UNC80: variants seen among roughly 807,000 people sequenced by gnomAD.
UNC80 encodes protein unc-80 homolog.
A neutral mutation model predicts 384.6 loss-of-function variants in UNC80; 164 were observed. The ratio of observed to expected loss-of-function variants is 0.43; its 90% CI spans 0.38 to 0.49. The LOEUF is 0.49. UNC80 is among the 20% of genes least tolerant of loss of function. UNC80 has a pLI of 0.00. For missense variants in UNC80, 3,330 were observed against 4,143.0 expected (o/e 0.80, Z 5.39); for synonymous variants, 1,486 against 1,527.8 (o/e 0.97, Z 0.64).
chr2:209,787,023 A>G (rs1475052890), intron 5 of UNC80, among the ~76,000 whole-genome samples: 2 of 145,308 alleles, frequency 1.4e-5, no homozygotes, highest in African/African-American at 5.0e-5. Context: ...ATATATACCT[A>G]TATATTTTTA....
intron 4 of UNC80, among the ~76,000 whole-genome samples, chr2:209,779,346 A>G (rs556656021): frequency 6.6e-6 from 1 of 152,168 alleles, no homozygotes; most frequent in South Asian, 2.1e-4. Context: ...TTCAACTTGA[A>G]ACACTGACCC....
chr2:209,788,242 C>T (rs141185047), intron 5 of UNC80, among the ~76,000 whole-genome samples: 8,006 of 151,954 alleles, frequency 0.053, 307 homozygotes, highest in Non-Finnish European at 0.077. Context: ...CACGGAGAAA[C>T]CCCATCTCTA....
intron 48 of UNC80, 65 bp downstream of exon 48, chr2:209,954,335 AAG>A: frequency 7.4e-7 from 1 of 1,344,150 alleles, no homozygotes; most frequent in Non-Finnish European, 9.7e-7. Flanking sequence ...AAAAAAAAAT[AAG>A]AAAAAAATGT....
intron 26 of UNC80, 70 bp downstream of exon 26, chr2:209,888,330 C>A: frequency 6.8e-7 from 1 of 1,477,276 alleles, no homozygotes; most frequent in South Asian, 1.3e-5. Context: ...GCACTAGGGT[C>A]TAAACTACAA....
At chr2:209,973,735 C>T (rs1251747963) in intron 56 of UNC80, among the ~76,000 whole-genome samples, 3 of 152,178 alleles carry the variant, frequency 2.0e-5, no homozygotes, top group East Asian at 1.9e-4. Flanking sequence ...ATGTGGGGCT[C>T]ATTGATCTGT....
Position 209,921,484 on chromosome 2 carries a change from C to CTTTA in UNC80, c.5344-14_5344-11dup. The CTTTA allele has an allele frequency of 6.5e-7, 1 of 1,532,638 alleles. No homozygotes were observed. Among genetic ancestry groups the CTTTA allele is most frequent in the Non-Finnish European group, 8.8e-7 (1 of 1,138,014 alleles). The allele number at this position is 1,532,638 out of a possible 1,614,324, so 94.9% of individuals were successfully genotyped here. A position where few individuals can be genotyped will look rare whatever the true frequency, so the allele number is the denominator to read the frequency against. On this transcript the variant is annotated splice_polypyrimidine_tract_variant and intron_variant, in intron 33 of 64. Coordinates refer to ENST00000673920, the MANE Select transcript of UNC80 (RefSeq NM_001371986.1). ...AAGAATTGCTATTAAATGAACTTGC[C>CTTTA]TTTATGTCTCCACAGAAATCCTTTT...
chr2:209,848,511 T>C (rs1334056369), intron 21 of UNC80, among the ~76,000 whole-genome samples: 1 of 152,124 alleles, frequency 6.6e-6, no homozygotes, highest in Non-Finnish European at 1.5e-5. Context: ...ATGCAAAATA[T>C]TCATCACACT....
At chr2:209,856,278 T>G (rs1404797855) in intron 22 of UNC80, among the ~76,000 whole-genome samples, 1 of 152,170 alleles carries the variant, frequency 6.6e-6, no homozygotes, top group Non-Finnish European at 1.5e-5. Context: ...TTTGTGTCTT[T>G]TGTTCATTCT....
At chr2:209,821,521 G>A (rs1352417162) in intron 13 of UNC80, among the ~76,000 whole-genome samples, 1 of 152,196 alleles carries the variant, frequency 6.6e-6, no homozygotes, top group East Asian at 1.9e-4. Context: ...GAAAGCAAGA[G>A]AAGAATTTTG....
At chr2:209,917,749 T>G (rs963713784) in intron 31 of UNC80, 28 bp from the exon 32 acceptor site, 2 of 1,550,776 alleles carry the variant, frequency 1.3e-6, no homozygotes, top group Non-Finnish European at 1.7e-6. Context: ...TTTAAAAGCA[T>G]AGCTGATGAA....
rs1437280731 is a variant in UNC80, at chr2:209,976,889, G to C, written c.8773-24G>C. On this transcript the variant is annotated intron_variant, in intron 57 of 64. Transcript: ENST00000673920. This position sits in a 1 kb window ranked among gnomAD's most constrained non-coding sequence, Gnocchi z 4.3. Reference sequence around the variant, plus strand: ...TTTATGGATGGAAAATTGAGGCCCTGAGAATGTTATGCCTTCCTTTCAGCT... The same window carrying C: ...TTTATGGATGGAAAATTGAGGCCCTCAGAATGTTATGCCTTCCTTTCAGCT... The C allele has an allele frequency of 3.3e-6, 5 of 1,498,310 alleles. No homozygotes were observed. The highest frequency in any genetic ancestry group is 4.5e-6 in the Non-Finnish European group (5 of 1,107,556). The allele number at this position is 1,498,310 out of a possible 1,614,324, so 92.8% of individuals were successfully genotyped here. A position where few individuals can be genotyped will look rare whatever the true frequency, so the allele number is the denominator to read the frequency against.
chr2:209,945,238 A>C (rs1449370337), intron 46 of UNC80, 49 bp downstream of exon 46: 7 of 1,527,992 alleles, frequency 4.6e-6, no homozygotes, highest in Non-Finnish European at 6.2e-6. Flanking sequence ...GCAGTTGTTA[A>C]ATATAAATAT....
chr2:209,809,864 C>A (rs770621766), intron 7 of UNC80, among the ~76,000 whole-genome samples: 1 of 152,172 alleles, frequency 6.6e-6, no homozygotes. Flanking sequence ...AGCTTGGGGG[C>A]ATTCTTGAAC....
At chr2:209,820,202 A>G in intron 12 of UNC80, 109 bp from the exon 13 acceptor site, 1 of 1,375,722 alleles carries the variant, frequency 7.3e-7, no homozygotes, top group Non-Finnish European at 9.4e-7. Flanking sequence ...ATTTCTACCC[A>G]ATTTCATAGA....
At chr2:209,841,486 G>A (rs1476714887) in intron 20 of UNC80, among the ~76,000 whole-genome samples, 1 of 152,110 alleles carries the variant, frequency 6.6e-6, no homozygotes, top group Admixed American at 6.5e-5. Flanking sequence ...CTCCCGAGTA[G>A]CTGGGACTAG....
In UNC80 at chr2:209,959,600, C is replaced by T; in HGVS notation, c.7698C>T (p.Cys2566=). 1 of 1,551,708 alleles carries T rather than the reference C, an allele frequency of 6.4e-7. No individual in the cohort carries two copies. The highest frequency in any genetic ancestry group is 8.7e-7 in the Non-Finnish European group (1 of 1,146,988). ...CCCGGGAGTCCTTACTGAATATTTG[C>T]ACTGAGTTCTATAAGCACTGTGGGC... ...RRPRESLLNI[C]TEFYKHCGPR... is the part of the protein sequence containing the mutation. Residue 2566 remains cysteine, a synonymous_variant, in exon 51 of 65, where the codon TGC becomes TGT. Coordinates refer to ENST00000673920, the MANE Select transcript of UNC80 (RefSeq NM_001371986.1).
intron 58 of UNC80, among the ~76,000 whole-genome samples, chr2:209,978,198 G>A (rs2093060331): frequency 6.6e-6 from 1 of 152,176 alleles, no homozygotes; most frequent in South Asian, 2.1e-4. Context: ...CAAGTTGGAA[G>A]CTACAATTCA....
At chr2:209,917,986 A>T (rs1383903747) in intron 32 of UNC80, 28 bp downstream of exon 32, 1 of 1,546,878 alleles carries the variant, frequency 6.5e-7, no homozygotes, top group Admixed American at 2.0e-5. Context: ...CAGAGGAGTT[A>T]CATTAGCAAA....
intron 4 of UNC80, among the ~76,000 whole-genome samples, chr2:209,781,179 C>T (rs1342471180): frequency 6.6e-6 from 1 of 152,162 alleles, no homozygotes; most frequent in African/African-American, 2.4e-5. Context: ...TTTACTTACT[C>T]TTCAATCTCT....
Sources: allele counts gnomAD v4.1 joint callset (sites outside exome capture counted in the v4.1 genomes callset), GRCh38; gene constraint gnomAD v4.1.1; non-coding constraint Gnocchi (gnomAD v3.1); transcripts MANE v1.5; gene names NCBI Gene and HGNC (gene_info 2026-07-23, HGNC 2026-07-21).